Variants in SHMT2 observed in about 807,000 individuals in gnomAD.
SHMT2 encodes the protein serine hydroxymethyltransferase 2.
In SHMT2, 38 loss-of-function variants were observed where a neutral mutation model predicts 59.6. The ratio of observed to expected loss-of-function variants is 0.64; its 90% confidence interval spans 0.49 to 0.84. The LOEUF (loss-of-function observed/expected upper bound fraction) is 0.84. Ranked by LOEUF, SHMT2 falls within the 40% of genes least tolerant of loss-of-function variation. The pLI is 0.00. For synonymous variants in SHMT2, 254 were observed against 258.1 expected, an observed-to-expected ratio of 0.98 and a Z score of 0.15; for missense variants, 533 against 659.5, an observed-to-expected ratio of 0.81 and a Z score of 2.10.
intron 11 of SHMT2, 55 bp downstream of exon 11, chr12:57,234,165 C>T: frequency 1.2e-6 from 2 of 1,613,684 alleles, no homozygotes; most frequent in Non-Finnish European, 1.7e-6. Flanking sequence ...CTGTCTGCTC[C>T]CTCCCCCAGC....
Position 57,230,858 on chromosome 12 carries a change from A to C in SHMT2, c.89A>C (p.Asn30Thr), listed in dbSNP as rs2037285975. Reference protein sequence around the residue: ...VRMAIRAQHSNAAQTQTGEAN... With the variant: ...VRMAIRAQHSTAAQTQTGEAN... The stretch of plus-strand genomic sequence containing the variant: ...ATGGCCATTCGGGCTCAGCACAGCA[A>C]CGCAGCCCAGACTCAGACTGGGGAA... The change falls in exon 2 of 12, where the codon AAC (asparagine) becomes ACC (threonine). Residue 30 changes from asparagine to threonine, a missense_variant. Coordinates refer to ENST00000328923, the MANE Select transcript of SHMT2 (RefSeq NM_005412.6). 2 of 1,614,002 alleles carry C rather than the reference A, an allele frequency of 1.2e-6. No homozygotes were observed. The highest frequency in any genetic ancestry group is 1.3e-5 in the African/African-American group (1 of 74,902).
intron 1 of SHMT2, 73 bp from the exon 2 acceptor site, chr12:57,230,730 G>A: frequency 6.4e-7 from 1 of 1,560,520 alleles, no homozygotes; most frequent in South Asian, 1.2e-5. Context: ...GGCCTTAGAA[G>A]CATGAGTGAG....
In SHMT2 at chr12:57,232,460, C is replaced by G; in HGVS notation, c.602C>G (p.Thr201Ser). 1 of 1,614,186 alleles carries G rather than the reference C, an allele frequency of 6.2e-7. No homozygotes were observed. The highest frequency in any genetic ancestry group is 8.5e-7 in the Non-Finnish European group (1 of 1,180,020). The change falls in exon 6 of 12, where the codon ACT becomes AGT. Residue 201 changes from threonine (T) to serine (S), a missense_variant. Transcript: ENST00000328923. Reference sequence around the variant, plus strand: ...GTTTGTGTGTCTGTCCAGCCCAAAACTGGCCTCATTGACTACAACCAGCTG... The same window carrying G: ...GTTTGTGTGTCTGTCCAGCCCAAAAGTGGCCTCATTGACTACAACCAGCTG... ...ESMPYKLNPK[T>S]GLIDYNQLAL...
At position 57,231,717 on chromosome 12, in the gene SHMT2, T is replaced by C; in HGVS notation, c.316T>C (p.Tyr106His). 2 of 1,614,084 alleles carry C rather than the reference T, an allele frequency of 1.2e-6. No homozygotes were observed. The highest frequency in any genetic ancestry group is 1.7e-6 in the Non-Finnish European group (2 of 1,180,018). Residue 106 changes from tyrosine (Y) to histidine (H), a missense_variant, in exon 4 of 12, where the codon TAT becomes CAT. Transcript: ENST00000328923. ...ATTACCCCTCTCCCACGGCAGATAC[T>C]ATGGGGGAGCAGAGGTGGTGGATGA... is the stretch of plus-strand genomic sequence containing the variant. The part of the protein sequence containing the change: ...YSEGYPGKRY[Y>H]GGAEVVDEIE...
At chr12:57,234,132 C>G in intron 11 of SHMT2, 22 bp downstream of exon 11, 7 of 1,613,852 alleles carry the variant, frequency 4.3e-6, no homozygotes, top group Non-Finnish European at 1.7e-6. Flanking sequence ...AGAAGGAGCC[C>G]CGGGCCAGCC....
intron 1 of SHMT2, chr12:57,230,270 G>T: frequency 8.4e-7 from 1 of 1,188,614 alleles, no homozygotes; most frequent in South Asian, 1.6e-5. Flanking sequence ...AGGGGAAAGG[G>T]TATTGGCTTA....
At chr12:57,231,228 T>G in intron 2 of SHMT2, 1 of 621,748 alleles carries the variant, frequency 1.6e-6, no homozygotes, top group Non-Finnish European at 2.8e-6. Context: ...ATCCCTTCCT[T>G]CCTTCCTCCT....
chr12:57,234,482 A>G lies in SHMT2; in HGVS notation c.*121A>G. The G allele has an allele frequency of 9.2e-7, 1 of 1,085,970 alleles. No individual in the cohort carries two copies. 67.3% of individuals were successfully genotyped at this position (1,085,970 alleles called of 1,614,324 possible). The stretch of plus-strand genomic sequence containing the variant: ...GAGGGAAGACCTCTCACTTAGGGCA[A>G]GAGCCAGGTATAGTCTCCCTTCCCA... On this transcript the variant is annotated 3_prime_UTR_variant, in exon 12 of 12. Coordinates refer to ENST00000328923, the MANE Select transcript of SHMT2 (RefSeq NM_005412.6).
In SHMT2 at chr12:57,234,563, A is replaced by G. The variant is rs991754457; in HGVS notation, c.*202A>G. 3 of 501,384 alleles carry G rather than the reference A, an allele frequency of 6.0e-6. No individual in the cohort carries two copies. The highest frequency in any genetic ancestry group is 1.0e-5 in the Non-Finnish European group (3 of 300,454). 31.1% of individuals were successfully genotyped at this position (501,384 alleles called of 1,614,324 possible). On this transcript the variant is annotated 3_prime_UTR_variant, in exon 12 of 12. Transcript: ENST00000328923. ...TCCTTTTTTTGGTAACAAGACTTAG[A>G]AGGAGGGCCCAGGCACTTTCTGTTT... is the stretch of plus-strand genomic sequence containing the variant.
At chr12:57,230,008 C>T (rs967177471) in intron 1 of SHMT2, 197 bp downstream of exon 1, 6 of 1,433,226 alleles carry the variant, frequency 4.2e-6, no homozygotes, top group Non-Finnish European at 5.5e-6. Flanking sequence ...TGTCCTCATT[C>T]TGGCGATCAG....
intron 10 of SHMT2, 48 bp from the exon 11 acceptor site, chr12:57,233,955 C>T (rs1166235006): frequency 1.2e-6 from 2 of 1,613,896 alleles, no homozygotes; most frequent in Non-Finnish European, 1.7e-6. Flanking sequence ...GGATGACTGC[C>T]AGGTGACCTT....
chr12:57,233,648 A>G lies in SHMT2; in HGVS notation c.1109A>G (p.Tyr370Cys). 1 of 1,614,020 alleles carries G rather than the reference A, an allele frequency of 6.2e-7. No individual in the cohort carries two copies. The highest frequency in any genetic ancestry group is 8.5e-7 in the Non-Finnish European group (1 of 1,179,910). ...GCAGATGCCCTGCTAGAGCGAGGCT[A>G]CTCACTGGTATCAGGTAAGCCAGCA... ...AMADALLERGYSLVSGGTDNH... is the reference protein window; with the variant it reads ...AMADALLERGCSLVSGGTDNH... Residue 370 changes from tyrosine to cysteine, a missense_variant, in exon 9 of 12, where the codon TAC (tyrosine) becomes TGC (cysteine). Tyr to Cys is a radical substitution (Grantham distance 194, BLOSUM62 -2). Coordinates refer to ENST00000328923, the MANE Select transcript of SHMT2 (RefSeq NM_005412.6).
Position 57,231,721 on chromosome 12 carries a change from G to A in SHMT2, c.320G>A (p.Gly107Glu). 6.2e-7 allele frequency: 1 copy of A among 1,614,048 alleles called. No individual in the cohort carries two copies. Reference protein sequence around the residue: ...SEGYPGKRYYGGAEVVDEIEL... With the variant: ...SEGYPGKRYYEGAEVVDEIEL... ...CCCCTCTCCCACGGCAGATACTATGGGGGAGCAGAGGTGGTGGATGAAATT... is the reference window on the plus strand; with the variant it reads ...CCCCTCTCCCACGGCAGATACTATGAGGGAGCAGAGGTGGTGGATGAAATT... The change falls in exon 4 of 12, where the codon GGG becomes GAG. Residue 107 changes from glycine (G) to glutamate (E), a missense_variant. Coordinates refer to ENST00000328923, the MANE Select transcript of SHMT2 (RefSeq NM_005412.6).
At position 57,233,784 on chromosome 12, in the gene SHMT2, C is replaced by T. The variant is rs749842795; in HGVS notation, c.1159C>T (p.Arg387Trp). 1.5e-5 allele frequency: 25 copies of T among 1,614,200 alleles called. No individual in the cohort carries two copies. The highest frequency in any genetic ancestry group is 6.7e-5 in the African/African-American group (5 of 75,056). The part of the protein sequence containing the change: ...TDNHLVLVDL[R>W]PKGLDGARAE... ...CAACCACCTGGTGCTGGTGGACCTG[C>T]GGCCCAAGGGCCTGGATGGAGCTCG... The change falls in exon 10 of 12, where the codon CGG (arginine) becomes TGG (tryptophan). Residue 387 changes from arginine to tryptophan, a missense_variant. Physicochemically the swap from Arg to Trp is moderately radical, Grantham distance 101 (BLOSUM62 -3). Coordinates refer to ENST00000328923, the MANE Select transcript of SHMT2 (RefSeq NM_005412.6).
rs2037485958 is a variant in SHMT2, at chr12:57,234,799, GCT to G, written c.*440_*441del. The G allele has an allele frequency of 6.3e-6, 1 of 157,816 alleles. No individual in the cohort carries two copies. The highest frequency in any genetic ancestry group is 2.4e-5 in the African/African-American group (1 of 41,380). The allele number at this position is 157,816 out of a possible 1,614,324, so 9.8% of individuals were successfully genotyped here. A position where few individuals can be genotyped will look rare whatever the true frequency, so the allele number is the denominator to read the frequency against. ...ATTTGTCTCCCTCAATGTGTACACC[GCT>G]CCGCTCCCACCACCGCTACCACAAG... is the stretch of plus-strand genomic sequence containing the variant. On this transcript the variant is annotated 3_prime_UTR_variant, in exon 12 of 12. Coordinates refer to ENST00000328923, the MANE Select transcript of SHMT2 (RefSeq NM_005412.6).
In SHMT2 at chr12:57,233,911, C is replaced by T; in HGVS notation, c.1279+7C>T. ...CCGGGCGGCCTGCGGCTTGGTGAGA[C>T]CTGGGGTTTGAGGAGGGAAGGGGCT... On this transcript the variant is annotated splice_region_variant and intron_variant, in intron 10 of 11. Coordinates refer to ENST00000328923, the MANE Select transcript of SHMT2 (RefSeq NM_005412.6). 6.2e-7 allele frequency: 1 copy of T among 1,614,148 alleles called. No individual in the cohort carries two copies. The highest frequency in any genetic ancestry group is 8.5e-7 in the Non-Finnish European group (1 of 1,180,008).
chr12:57,229,892 G>A (rs2037242134), intron 1 of SHMT2, 81 bp downstream of exon 1: 1 of 1,581,512 alleles, frequency 6.3e-7, no homozygotes, highest in Non-Finnish European at 8.6e-7. Flanking sequence ...ACAAACTCTG[G>A]GGTTCTCTTG....
In SHMT2 at chr12:57,233,499, C is replaced by T. The variant is rs925094906; in HGVS notation, c.1024-64C>T. The T allele has an allele frequency of 7.1e-6, 11 of 1,544,692 alleles. No homozygotes were observed. The African/African-American group carries it at 1.4e-4, about 19-fold the overall frequency. On this transcript the variant is annotated intron_variant, in intron 8 of 11. Coordinates refer to ENST00000328923, the MANE Select transcript of SHMT2 (RefSeq NM_005412.6). ...ACAGAGCTATGCTGAGGGTGCAGGG[C>T]CAGAGGGTAGTGCAGGGCTTGGGTC...
At chr12:57,230,762 C>G (rs1358016439) in intron 1 of SHMT2, 41 bp from the exon 2 acceptor site, 1 of 1,607,134 alleles carries the variant, frequency 6.2e-7, no homozygotes, top group Non-Finnish European at 8.5e-7. Context: ...GACGATTTGT[C>G]TGGACTGTTG....
Sources: allele counts gnomAD v4.1 joint callset, GRCh38; gene constraint gnomAD v4.1.1; transcripts MANE v1.5; gene names NCBI Gene and HGNC (gene_info 2026-07-23, HGNC 2026-07-21).